Variants in DLGAP2 observed in about 807,000 individuals in gnomAD.
The protein encoded by DLGAP2 is disks large-associated protein 2.
In DLGAP2, 26 loss-of-function variants were observed where a neutral mutation model predicts 100.3. The ratio of observed to expected loss-of-function variants is 0.26; its 90% CI spans 0.19 to 0.36. The LOEUF is 0.36. DLGAP2 is among the 10% of genes least tolerant of loss of function. The probability of loss-of-function intolerance (pLI) is 1.00; values close to 1 mark genes in which losing one functional copy is unlikely to be tolerated. For missense variants in DLGAP2, 1,858 were observed against 1,453.2 expected (o/e 1.28, Z -4.53); for synonymous variants, 886 against 630.1 (o/e 1.41, Z -6.08).
At chr8:993,911 C>A (rs920452297) in intron 2 of DLGAP2, among the ~76,000 whole-genome samples, 3 of 148,026 alleles carry the variant, frequency 2.0e-5, no homozygotes, top group Non-Finnish European at 4.4e-5. Context: ...AGGCTTGACT[C>A]TAATAGCAGA....
At chr8:1,048,024 G>C (rs1161693547) in intron 2 of DLGAP2, among the ~76,000 whole-genome samples, 1 of 152,120 alleles carries the variant, frequency 6.6e-6, no homozygotes, top group African/African-American at 2.4e-5. Context: ...GGACACTGTG[G>C]TATTTGACCC....
Position 975,760 on chromosome 8 carries a change from C to A in DLGAP2, c.73+67794C>A, listed in dbSNP as rs193194379. Among the ~76,000 whole-genome samples, 4 of 152,246 alleles carry A rather than the reference C, an allele frequency of 2.6e-5. No homozygotes were observed. In the East Asian group the frequency reaches 7.7e-4, roughly 29 times the overall value. On this transcript the variant is annotated intron_variant, in intron 2 of 14. Transcript: ENST00000637795. The stretch of plus-strand genomic sequence containing the variant: ...TTGATAAGGAATATTTACAAAAAAC[C>A]CTGTAGCTAAACTCATACTTCATGG...
chr8:1,659,772 C>G (rs1453518838), intron 8 of DLGAP2, among the ~76,000 whole-genome samples: 1 of 152,154 alleles, frequency 6.6e-6, no homozygotes, highest in Non-Finnish European at 1.5e-5. Flanking sequence ...ATATAGCACA[C>G]TGATGGGTCT....
intron 2 of DLGAP2, among the ~76,000 whole-genome samples, chr8:1,160,117 G>A (rs1351652664): frequency 3.9e-5 from 6 of 152,328 alleles, no homozygotes; most frequent in African/African-American, 1.2e-4. Flanking sequence ...GCCGCGGCCC[G>A]TGGGTTCGGA....
rs1799601872 is a variant in DLGAP2, at chr8:1,702,490, T to TTTACA, written c.*1087_*1091dup. On this transcript the variant is annotated 3_prime_UTR_variant, in exon 15 of 15. Transcript: ENST00000637795. ...TTTAAATGGTAAAGAAGAAATGTAG[T>TTTACA]TTACATTTGTATTTTTCCAGAATTC... The TTTACA allele has an allele frequency of 1.3e-5, 2 of 152,614 alleles. No individual in the cohort carries two copies. Among genetic ancestry groups the TTTACA allele is most frequent in the African/African-American group, 4.8e-5 (2 of 41,440 alleles). 9.5% of individuals were successfully genotyped at this position (152,614 alleles called of 1,614,324 possible).
intron 3 of DLGAP2, among the ~76,000 whole-genome samples, chr8:1,338,091 G>T (rs960003137): frequency 6.6e-6 from 1 of 152,236 alleles, no homozygotes; most frequent in Non-Finnish European, 1.5e-5. Flanking sequence ...CCATGGGCAC[G>T]TAAAATGGTG....
chr8:1,219,889 T>A (rs1281060151), intron 2 of DLGAP2, among the ~76,000 whole-genome samples: 1 of 152,086 alleles, frequency 6.6e-6, no homozygotes, highest in Non-Finnish European at 1.5e-5. Context: ...GGTTTTTTAG[T>A]TTGTGTGCAT....
chr8:849,529 G>T (rs1403017129), intron 1 of DLGAP2, among the ~76,000 whole-genome samples: 8 of 152,198 alleles, frequency 5.3e-5, no homozygotes, highest in Admixed American at 3.9e-4. Context: ...AAGCTGCCAA[G>T]CTGCTTTCCA....
chr8:1,678,617 C>G lies in DLGAP2; in HGVS notation c.2692C>G (p.Leu898Val). ...GGAGAGAGAGGCGGAGGAGAACGAC[C>G]TCTCGGAGGAAAGTAAGAGCTCAGG... ...EMEREAEEND[L>V]SEEILGKIRS... Residue 898 changes from leucine (L) to valine (V), a missense_variant, in exon 12 of 15, where the codon CTC (leucine) becomes GTC (valine). Coordinates refer to ENST00000637795, the MANE Select transcript of DLGAP2 (RefSeq NM_001346810.2). 1 of 1,545,128 alleles carries G rather than the reference C, an allele frequency of 6.5e-7. No homozygotes were observed.
intron 2 of DLGAP2, among the ~76,000 whole-genome samples, chr8:1,205,941 C>G (rs980862989): frequency 1.2e-4 from 19 of 152,050 alleles, no homozygotes; most frequent in African/African-American, 4.6e-4. Flanking sequence ...TCACTTGAGC[C>G]CAGGAGAGTG....
At position 1,184,127 on chromosome 8, in the gene DLGAP2, C is replaced by G. The variant is rs77488323; in HGVS notation, c.74-74724C>G. ...CGTGTTTGCATTGTGTTTAAAGCCA[C>G]TTGATGTCTCCAAGTTGCACAGCGG... On this transcript the variant is annotated intron_variant, in intron 2 of 14. Transcript: ENST00000637795. Among the ~76,000 whole-genome samples, 319 of 152,352 alleles carry G rather than the reference C, an allele frequency of 2.1e-3. 2 individuals carry two copies. The highest frequency in any genetic ancestry group is 7.2e-3 in the African/African-American group (298 of 41,580).
intron 4 of DLGAP2, among the ~76,000 whole-genome samples, chr8:1,542,264 A>G (rs1456592989): frequency 6.6e-6 from 1 of 152,224 alleles, no homozygotes; most frequent in Non-Finnish European, 1.5e-5. Context: ...TATAAGTCAC[A>G]CACCATAAAA....
intron 3 of DLGAP2, among the ~76,000 whole-genome samples, chr8:1,310,216 A>G (rs1179022479): frequency 6.6e-6 from 1 of 152,200 alleles, no homozygotes; most frequent in Non-Finnish European, 1.5e-5. Flanking sequence ...GGAAATCAAA[A>G]CAGTTAACTC....
intron 2 of DLGAP2, among the ~76,000 whole-genome samples, chr8:1,199,010 A>T (rs1449899793): frequency 6.6e-6 from 1 of 152,224 alleles, no homozygotes; most frequent in East Asian, 1.9e-4. Context: ...CTGCTCCTTA[A>T]AATGCAGCAG....
chr8:1,370,099 C>G (rs951469700), intron 3 of DLGAP2, among the ~76,000 whole-genome samples: 1 of 152,200 alleles, frequency 6.6e-6, no homozygotes, highest in Non-Finnish European at 1.5e-5. Flanking sequence ...GGCAGCTTTT[C>G]TCCCACAGGT....
intron 3 of DLGAP2, among the ~76,000 whole-genome samples, chr8:1,350,173 C>A (rs75750478): frequency 4.1e-5 from 6 of 146,250 alleles, no homozygotes; most frequent in East Asian, 2.1e-4. Context: ...GCTCTTGTGG[C>A]GTGGAAAGGC....
At chr8:1,645,703 T>A (rs974128799) in intron 8 of DLGAP2, among the ~76,000 whole-genome samples, 4 of 152,218 alleles carry the variant, frequency 2.6e-5, no homozygotes, top group African/African-American at 9.6e-5. Flanking sequence ...TGTAATTTAT[T>A]TGCTACTTTT....
intron 3 of DLGAP2, among the ~76,000 whole-genome samples, chr8:1,367,468 C>G (rs1422936172): frequency 6.6e-6 from 1 of 152,242 alleles, no homozygotes; most frequent in African/African-American, 2.4e-5. Flanking sequence ...TCATAACTCC[C>G]AAGCCCAGCA....
intron 2 of DLGAP2, among the ~76,000 whole-genome samples, chr8:1,162,977 C>A (rs992060225): frequency 1.3e-5 from 2 of 152,200 alleles, no homozygotes; most frequent in Admixed American, 6.5e-5. Context: ...GTAGAAGGCA[C>A]CTGAGGCCCT....
Sources: allele counts gnomAD v4.1 joint callset (sites outside exome capture counted in the v4.1 genomes callset), GRCh38; gene constraint gnomAD v4.1.1; transcripts MANE v1.5; gene names NCBI Gene and HGNC (gene_info 2026-07-23, HGNC 2026-07-21).